Variants in SCNN1D observed in about 807,000 individuals in gnomAD.
The protein encoded by SCNN1D is sodium channel epithelial 1 subunit delta.
SCNN1D carries 104 observed loss-of-function variants against 87.8 expected under a neutral mutation model. The ratio of observed to expected loss-of-function variants is 1.18; its 90% confidence interval spans 1.01 to 1.39. The LOEUF (loss-of-function observed/expected upper bound fraction) is 1.39, where lower values mean the gene tolerates loss of function less well. Among genes scored for constraint, SCNN1D ranks in the 40% most tolerant of loss-of-function variants. The pLI, the probability that SCNN1D is intolerant of heterozygous loss-of-function variation, is 0.00. For missense variants in SCNN1D, 1,324 were observed against 1,093.9 expected (o/e 1.21, Z -2.97); for synonymous variants, 628 against 481.2 (o/e 1.31, Z -3.99).
At chr1:1,285,685 TCTCTG>T in intron 6 of SCNN1D, 21 bp downstream of exon 6, 1 of 1,504,772 alleles carries the variant, frequency 6.6e-7, no homozygotes, top group South Asian at 1.3e-5. Context: ...AGCACCCTGT[TCTCTG>T]AGTCCTGCTG....
Position 1,290,334 on chromosome 1 carries a change from C to T in SCNN1D, c.1726C>T (p.His576Tyr), listed in dbSNP as rs1280686588. Residue 576 changes from histidine to tyrosine, a missense_variant, in exon 13 of 18, where the codon CAC becomes TAC. Transcript: ENST00000379116. ...GACCTGCTCCTGTGGCTACTACCTC[C>T]ACCCTCTGCCGGCGGGGGCTGAGTA... Reference protein sequence around the residue: ...VETCSCGYYLHPLPAGAEYCS... With the variant: ...VETCSCGYYLYPLPAGAEYCS... 22 of 1,596,042 alleles carry T rather than the reference C, an allele frequency of 1.4e-5. No individual in the cohort carries two copies. The highest frequency in any genetic ancestry group is 2.2e-5 in the East Asian group (1 of 44,722).
At position 1,286,114 on chromosome 1, in the gene SCNN1D, G is replaced by A. The variant is rs762601742; in HGVS notation, c.747G>A (p.Thr249=). 1.9e-5 allele frequency: 31 copies of A among 1,610,516 alleles called. No homozygotes were observed. The highest frequency in any genetic ancestry group is 3.3e-4 in the Middle Eastern group (2 of 6,084). The stretch of plus-strand genomic sequence containing the variant: ...GCTCCCGCGGGAACCGCCTCAAGAC[G>A]ACGTCCTGGGGGCTGCTGTCCCTGG... ...LVCSRGNRLK[T]TSWGLLSLGA... Residue 249 remains threonine, a synonymous_variant, in exon 7 of 18, where the codon ACG becomes ACA. Transcript: ENST00000379116.
At chr1:1,290,588 A>G in intron 14 of SCNN1D, 33 bp downstream of exon 14, 1 of 1,612,504 alleles carries the variant, frequency 6.2e-7, no homozygotes, top group South Asian at 1.1e-5. Flanking sequence ...GCGGCCAGGG[A>G]TCATTGCCCC....
Position 1,290,307 on chromosome 1 carries a change from G to A in SCNN1D, c.1699G>A (p.Glu567Lys), listed in dbSNP as rs999325345. Residue 567 changes from glutamate to lysine, a missense_variant, in exon 13 of 18, where the codon GAG (glutamate) becomes AAG (lysine). Transcript: ENST00000379116. ...GTCCTGCTTCCAGCAGCTGATGGTG[G>A]AGACCTGCTCCTGTGGCTACTACCT... ...LVSCFQQLMV[E>K]TCSCGYYLHP... 13 of 1,587,342 alleles carry A rather than the reference G, an allele frequency of 8.2e-6. No homozygotes were observed. The highest frequency in any genetic ancestry group is 1.0e-5 in the Non-Finnish European group (12 of 1,165,354).
Position 1,287,093 on chromosome 1 carries a change from C to A in SCNN1D, c.1120-16C>A. Reference sequence around the variant, plus strand: ...GGGCTGTAGCCACAGAGCTGACCCTCCCTCCCCTCTCCCAGTGCAACAGCA... The same window carrying A: ...GGGCTGTAGCCACAGAGCTGACCCTACCTCCCCTCTCCCAGTGCAACAGCA... On this transcript the variant is annotated splice_polypyrimidine_tract_variant and intron_variant, in intron 8 of 17. Transcript: ENST00000379116. 1 of 1,585,092 alleles carries A rather than the reference C, an allele frequency of 6.3e-7. No homozygotes were observed. Among genetic ancestry groups the A allele is most frequent in the Non-Finnish European group, 8.6e-7 (1 of 1,160,654 alleles).
rs776246077 is a variant in SCNN1D at position 1,286,092 on chromosome 1, C to CCCGCGGGAA, written c.730_738dup (p.Gly244_Arg246dup). On this transcript the variant is annotated inframe_insertion, in exon 7 of 18. Coordinates refer to ENST00000379116, the MANE Select transcript of SCNN1D (RefSeq NM_001130413.4). ...CACGGCGCCATCCGCCTGGTCTGCT[C>CCCGCGGGAA]CCGCGGGAACCGCCTCAAGACGACG... The CCCGCGGGAA allele has an allele frequency of 2.2e-5, 35 of 1,608,380 alleles. No individual in the cohort carries two copies. Among genetic ancestry groups the CCCGCGGGAA allele is most frequent in the Non-Finnish European group, 2.8e-5 (33 of 1,178,374 alleles).
intron 7 of SCNN1D, 150 bp downstream of exon 7, chr1:1,286,428 C>T: frequency 1.4e-6 from 1 of 706,360 alleles, no homozygotes; most frequent in Non-Finnish European, 2.3e-6. Context: ...ACCTCCCAAA[C>T]CTCGGTGCCC....
chr1:1,290,353 C>T lies in SCNN1D; in HGVS notation c.1745C>T (p.Ala582Val). The change falls in exon 13 of 18, where the codon GCT (alanine) becomes GTT (valine). Residue 582 changes from alanine to valine, a missense_variant. Coordinates refer to ENST00000379116, the MANE Select transcript of SCNN1D (RefSeq NM_001130413.4). ...GYYLHPLPAG[A>V]EYCSSARHPA... The stretch of plus-strand genomic sequence containing the variant: ...TACCTCCACCCTCTGCCGGCGGGGG[C>T]TGAGTACTGCAGCTCTGCCCGGCAC... 6.3e-7 allele frequency: 1 copy of T among 1,597,756 alleles called. No homozygotes were observed. Among genetic ancestry groups the T allele is most frequent in the Non-Finnish European group, 8.5e-7 (1 of 1,170,500 alleles).
In SCNN1D at chr1:1,282,295, G is replaced by C; in HGVS notation, c.331G>C (p.Ala111Pro). The C allele has an allele frequency of 6.5e-7, 1 of 1,550,176 alleles. No individual in the cohort carries two copies. Among genetic ancestry groups the C allele is most frequent in the Non-Finnish European group, 8.7e-7 (1 of 1,146,806 alleles). Reference sequence around the variant, plus strand: ...CTCCAGGACGTCACCGGTGGCAGCTGCTTCCTTCCAGAGCCGGCAGGCAGG... The same window carrying C: ...CTCCAGGACGTCACCGGTGGCAGCTCCTTCCTTCCAGAGCCGGCAGGCAGG... ...FLSRTSPVAA[A>P]SFQSRQEARG... Residue 111 changes from alanine to proline, a missense_variant, in exon 4 of 18, where the codon GCT becomes CCT. Transcript: ENST00000379116.
Position 1,290,759 on chromosome 1 carries a change from G to A in SCNN1D, c.1917+65G>A, listed in dbSNP as rs191093662. ...AGGCAGACCCCACAGGTCCCACAGA[G>A]CCCACCCAAGACAAGGGCAGGGCCG... is the stretch of plus-strand genomic sequence containing the variant. On this transcript the variant is annotated intron_variant, in intron 15 of 17. Transcript: ENST00000379116. 501 of 1,598,834 alleles carry A rather than the reference G, an allele frequency of 3.1e-4. 4 individuals carry two copies. The African/African-American group carries it at 5.5e-3, about 18-fold the overall frequency.
In SCNN1D at chr1:1,290,905, T is replaced by C. The variant is rs775460896; in HGVS notation, c.1928T>C (p.Leu643Pro). ...ACCTTCCGTCTGCAGGGATGGACTC[T>C]GGCCACGCTAGGTGAACAGGGGCTG... is the stretch of plus-strand genomic sequence containing the variant. ...WPSAKSAGWT[L>P]ATLGEQGLPH... Residue 643 changes from leucine (L) to proline (P), a missense_variant, in exon 16 of 18, where the codon CTG becomes CCG. Transcript: ENST00000379116. The C allele has an allele frequency of 2.5e-6, 4 of 1,610,138 alleles. No individual in the cohort carries two copies. Among genetic ancestry groups the C allele is most frequent in the Non-Finnish European group, 3.4e-6 (4 of 1,178,978 alleles).
At chr1:1,280,748 C>A in intron 1 of SCNN1D, 82 bp downstream of exon 1, 1 of 691,318 alleles carries the variant, frequency 1.4e-6, no homozygotes, top group South Asian at 1.5e-5. Flanking sequence ...ACCAGGGGTC[C>A]ATCCAGACAG....
Position 1,290,146 on chromosome 1 carries a change from T to TCCCCCGTCTCTGCTCCGTCC in SCNN1D, c.1663-122_1663-121insCCGTCTCTGCTCCGTCCCCC. The TCCCCCGTCTCTGCTCCGTCC allele has an allele frequency of 4.4e-6, 2 of 459,356 alleles. 1 individual carries two copies. Among genetic ancestry groups the TCCCCCGTCTCTGCTCCGTCC allele is most frequent in the Admixed American group, 8.7e-5 (2 of 23,032 alleles). The allele number at this position is 459,356 out of a possible 1,614,324, so 28.5% of individuals were successfully genotyped here. The stretch of plus-strand genomic sequence containing the variant: ...CTCCGTCCCCCGTGTCTCTGCTCCG[T>TCCCCCGTCTCTGCTCCGTCC]CCCGTGTCTCTGCTCCGTCCCGTGT... On this transcript the variant is annotated intron_variant, in intron 12 of 17. Transcript: ENST00000379116.
chr1:1,287,472 C>G, intron 9 of SCNN1D, 36 bp from the exon 10 acceptor site: 1 of 1,510,446 alleles, frequency 6.6e-7, no homozygotes, highest in Non-Finnish European at 8.9e-7. Flanking sequence ...CGCGGGCAGC[C>G]GACATTCAAG....
In SCNN1D at chr1:1,281,309, G is replaced by T; in HGVS notation, c.77+12G>T. 1 of 1,535,810 alleles carries T rather than the reference G, an allele frequency of 6.5e-7. No homozygotes were observed. The highest frequency in any genetic ancestry group is 8.7e-7 in the Non-Finnish European group (1 of 1,146,784). On this transcript the variant is annotated intron_variant, in intron 2 of 17. Transcript: ENST00000379116. ...AGCGGCCCAAGGAGGTGAGCTCACAGCCATGCTCGGTCAATGGGGCCTGGC... is the reference window on the plus strand; with the variant it reads ...AGCGGCCCAAGGAGGTGAGCTCACATCCATGCTCGGTCAATGGGGCCTGGC...
chr1:1,282,182 A>G, intron 3 of SCNN1D, 60 bp from the exon 4 acceptor site: 1 of 989,956 alleles, frequency 1.0e-6, no homozygotes. Context: ...AAATCAGCTC[A>G]GAGAGGTTGA....
chr1:1,289,326 C>T (rs533784053), intron 12 of SCNN1D, among the ~76,000 whole-genome samples: 2 of 2 alleles, frequency 1, 1 homozygote. Flanking sequence ...GTCCCGTGTC[C>T]CTGCTCCGTC....
intron 7 of SCNN1D, 50 bp from the exon 8 acceptor site, chr1:1,286,718 A>T (rs1640599113): frequency 6.5e-7 from 1 of 1,539,202 alleles, no homozygotes; most frequent in African/African-American, 1.4e-5. Flanking sequence ...TGCTGGGGCC[A>T]GTGTGAGGCC....
chr1:1,286,466 G>A (rs561999343), intron 7 of SCNN1D, among the ~76,000 whole-genome samples, 188 bp downstream of exon 7: 1 of 152,298 alleles, frequency 6.6e-6, no homozygotes, highest in Admixed American at 6.5e-5. Context: ...CTGCCAAGGA[G>A]GGGGCTCAGT....
Sources: allele counts gnomAD v4.1 joint callset (sites outside exome capture counted in the v4.1 genomes callset), GRCh38; gene constraint gnomAD v4.1.1; transcripts MANE v1.5; gene names NCBI Gene and HGNC (gene_info 2026-07-23, HGNC 2026-07-21).